HYLS1: variants seen among roughly 807,000 people sequenced by gnomAD.
HYLS1 encodes HYLS1 centriolar and ciliogenesis associated, also known as centriolar and ciliogenesis-associated protein HYLS1.
HYLS1 carries 25 observed loss-of-function variants against 29.4 expected under a neutral mutation model. The observed-to-expected ratio is 0.85, with a 90% confidence interval of 0.62 to 1.19. The LOEUF (loss-of-function observed/expected upper bound fraction) is 1.19. Ranked by LOEUF, HYLS1 falls within the 50% of genes most tolerant of loss-of-function variation. HYLS1 has a pLI of 0.00. For synonymous variants in HYLS1, 128 were observed against 126.7 expected, an observed-to-expected ratio of 1.01 and a Z score of -0.07; for missense variants, 352 against 365.1, an observed-to-expected ratio of 0.96 and a Z score of 0.29.
chr11:125,900,139 T>C lies in HYLS1; in HGVS notation c.771T>C (p.His257=), dbSNP rs953498744. ...CRAEPQSKPQ[H]IYVPNNYLVP... ...CAGAACCCCAATCCAAACCTCAGCA[T>C]ATATATGTCCCAAACAATTATCTAG... is the stretch of plus-strand genomic sequence containing the variant. The change falls in exon 3 of 3, where the codon CAT becomes CAC. Residue 257 remains histidine (H), a synonymous_variant. Coordinates refer to ENST00000425380, the MANE Select transcript of HYLS1 (RefSeq NM_001134793.2). 10 of 1,614,054 alleles carry C rather than the reference T, an allele frequency of 6.2e-6. No individual in the cohort carries two copies. The highest frequency in any genetic ancestry group is 6.8e-6 in the Non-Finnish European group (8 of 1,180,036).
chr11:125,893,732 T>C, intron 2 of HYLS1: 1 of 1,440,636 alleles, frequency 6.9e-7, no homozygotes, highest in Middle Eastern at 1.8e-4. Flanking sequence ...TTTTTTTCCT[T>C]TTCTGTCCAC....
intron 1 of HYLS1, among the ~76,000 whole-genome samples, chr11:125,890,372 T>A (rs1944388918): frequency 6.6e-6 from 1 of 152,248 alleles, no homozygotes; most frequent in Non-Finnish European, 1.5e-5. Context: ...TTACAAGTAT[T>A]TCTCCCAGTT....
intron 1 of HYLS1, among the ~76,000 whole-genome samples, chr11:125,889,818 T>C (rs1474634477): frequency 2.0e-5 from 3 of 152,198 alleles, no homozygotes; most frequent in African/African-American, 4.8e-5. Flanking sequence ...ATAATAAGGA[T>C]GCTTGTTTTT....
Position 125,887,761 on chromosome 11 carries a change from C to T in HYLS1, c.-80C>T, listed in dbSNP as rs146187515. ...CGGTGCAGAGAGCGGACTTCCGCGACGCGGGTAAGCCGGGCGAAGGCCGGA... is the reference window on the plus strand; with the variant it reads ...CGGTGCAGAGAGCGGACTTCCGCGATGCGGGTAAGCCGGGCGAAGGCCGGA... On this transcript the variant is annotated 5_prime_UTR_variant, in exon 1 of 3. It adds an upstream start codon to the 5' untranslated region. Coordinates refer to ENST00000425380, the MANE Select transcript of HYLS1 (RefSeq NM_001134793.2). 1 of 152,408 alleles carries T rather than the reference C, an allele frequency of 6.6e-6. No individual in the cohort carries two copies. Among genetic ancestry groups the T allele is most frequent in the Non-Finnish European group, 1.5e-5 (1 of 68,064 alleles). The allele number at this position is 152,408 out of a possible 1,614,324, so 9.4% of individuals were successfully genotyped here.
intron 2 of HYLS1, chr11:125,894,133 T>A: frequency 6.2e-7 from 1 of 1,614,180 alleles, no homozygotes. Flanking sequence ...CCAGTCCTTG[T>A]AGCATACTAT....
upstream of HYLS1, chr11:125,883,771 G>A (rs1238747104): frequency 6.6e-6 from 1 of 152,318 alleles, no homozygotes; most frequent in African/African-American, 2.4e-5. Flanking sequence ...CTACTCAGGA[G>A]GCTGAGGCAG....
intron 2 of HYLS1, chr11:125,893,922 C>T: frequency 6.2e-7 from 1 of 1,614,118 alleles, no homozygotes; most frequent in Non-Finnish European, 8.5e-7. Context: ...TGTGGGTGCT[C>T]AATTCGTCCC....
At chr11:125,892,322 A>G (rs1944432465) in intron 2 of HYLS1, among the ~76,000 whole-genome samples, 1 of 152,218 alleles carries the variant, frequency 6.6e-6, no homozygotes, top group Admixed American at 6.5e-5. Context: ...TTAGTAATGA[A>G]AATTATTATT....
rs1944329859 is a variant in HYLS1 at position 125,887,692 on chromosome 11, A to G, written c.-149A>G. 1 of 152,294 alleles carries G rather than the reference A, an allele frequency of 6.6e-6. No homozygotes were observed. The allele number at this position is 152,294 out of a possible 1,614,324, so 9.4% of individuals were successfully genotyped here. On this transcript the variant is annotated 5_prime_UTR_variant, in exon 1 of 3. Coordinates refer to ENST00000425380, the MANE Select transcript of HYLS1 (RefSeq NM_001134793.2). ...CAGTGCGCCTGCGCAAGTTACGCGAAAGCTAACAGAATCTGCGGTGCTCTG... is the reference window on the plus strand; with the variant it reads ...CAGTGCGCCTGCGCAAGTTACGCGAGAGCTAACAGAATCTGCGGTGCTCTG...
chr11:125,891,964 C>T lies in HYLS1; in HGVS notation c.-26+492C>T, dbSNP rs11220267. Among the ~76,000 whole-genome samples, 1,283 of 152,190 alleles carry T rather than the reference C, an allele frequency of 8.4e-3. 19 individuals carry two copies. Among genetic ancestry groups the T allele is most frequent in the African/African-American group, 0.027 (1,116 of 41,506 alleles). On this transcript the variant is annotated intron_variant, in intron 2 of 2. Transcript: ENST00000425380. ...ATATTAGTATTGTTTTTAATTGTCC[C>T]ATGTGTTATTTGCACTAGCAGCTTG...
upstream of HYLS1, chr11:125,887,169 G>T: frequency 6.6e-6 from 1 of 152,582 alleles, no homozygotes; most frequent in Non-Finnish European, 1.5e-5. Flanking sequence ...AACGTCTAGA[G>T]CGCACAGGCG....
At chr11:125,893,191 G>A (rs1182590158) in intron 2 of HYLS1, among the ~76,000 whole-genome samples, 2 of 152,144 alleles carry the variant, frequency 1.3e-5, no homozygotes, top group Non-Finnish European at 2.9e-5. Context: ...ATGCAATAGA[G>A]GCCATTTGTT....
upstream of HYLS1, among the ~76,000 whole-genome samples, chr11:125,885,734 G>A (rs904496503): frequency 5.3e-5 from 8 of 152,250 alleles, no homozygotes; most frequent in Non-Finnish European, 8.8e-5. Flanking sequence ...GGGGTAAGCC[G>A]TAGGAGCTTC....
At chr11:125,885,671 G>GT (rs1313300340), upstream of HYLS1, among the ~76,000 whole-genome samples, 1 of 152,162 alleles carries the variant, frequency 6.6e-6, no homozygotes, top group Non-Finnish European at 1.5e-5. Flanking sequence ...TAAAACAAAG[G>GT]TCCCCAACCC....
In HYLS1 at chr11:125,900,162, T is replaced by G. The variant is rs372320419; in HGVS notation, c.794T>G (p.Leu265Arg). ...CATATATATGTCCCAAACAATTATCTAGTACCAACAGAGAAGAAAAGGTCT... is the reference window on the plus strand; with the variant it reads ...CATATATATGTCCCAAACAATTATCGAGTACCAACAGAGAAGAAAAGGTCT... ...PQHIYVPNNY[L>R]VPTEKKRSAL... Residue 265 changes from leucine (L) to arginine (R), a missense_variant, in exon 3 of 3, where the codon CTA (leucine) becomes CGA (arginine). Leu to Arg is a moderately radical substitution (Grantham distance 102, BLOSUM62 -2). Coordinates refer to ENST00000425380, the MANE Select transcript of HYLS1 (RefSeq NM_001134793.2). 2 of 1,614,068 alleles carry G rather than the reference T, an allele frequency of 1.2e-6. No individual in the cohort carries two copies. Among genetic ancestry groups the G allele is most frequent in the Admixed American group, 1.7e-5 (1 of 60,002 alleles).
At chr11:125,884,182 T>G (rs796369785), upstream of HYLS1, among the ~76,000 whole-genome samples, 80 of 152,306 alleles carry the variant, frequency 5.3e-4, no homozygotes, top group African/African-American at 1.9e-3. Context: ...ACATATGGAT[T>G]TGACATATCA....
rs373476735 is a variant in HYLS1, at chr11:125,893,862, G to A, written c.-26+2390G>A. 10 of 1,613,890 alleles carry A rather than the reference G, an allele frequency of 6.2e-6. No individual in the cohort carries two copies. The highest frequency in any genetic ancestry group is 7.6e-6 in the Non-Finnish European group (9 of 1,179,968). ...TCCAAATTAGTATTCTCTTCCTCTAGTGTGTCATTACAGTCCCTTTTGGCT... is the reference window on the plus strand; with the variant it reads ...TCCAAATTAGTATTCTCTTCCTCTAATGTGTCATTACAGTCCCTTTTGGCT... On this transcript the variant is annotated intron_variant, in intron 2 of 2. Transcript: ENST00000425380.
At chr11:125,885,268 T>C (rs1944286202), upstream of HYLS1, among the ~76,000 whole-genome samples, 1 of 152,026 alleles carries the variant, frequency 6.6e-6, no homozygotes. Context: ...CTGGCCAATA[T>C]GATGAAACCC....
intron 2 of HYLS1, 80 bp from the exon 3 acceptor site, chr11:125,899,264 A>G: frequency 1.0e-6 from 1 of 974,004 alleles, no homozygotes; most frequent in South Asian, 1.5e-5. Context: ...TTTGACTGCT[A>G]TAAAACGGAG....
Sources: gnomAD v4.1 joint callset for allele counts (sites outside exome capture counted in the v4.1 genomes callset) on GRCh38, gnomAD v4.1.1 for gene constraint, MANE v1.5 for transcripts, NCBI Gene and HGNC (gene_info 2026-07-23, HGNC 2026-07-21) for gene names.